Variants in ZAN observed in about 807,000 individuals in gnomAD.
ZAN encodes the protein zonadhesin.
Under a neutral mutation model 286.2 loss-of-function variants are expected in ZAN, and 260 were observed. The ratio of observed to expected loss-of-function variants is 0.91; its 90% CI spans 0.82 to 1.01. The LOEUF is 1.01. Among genes scored for constraint, ZAN ranks in the 50% least tolerant of loss-of-function variants. The pLI is 0.00. For synonymous variants in ZAN, 1,368 were observed against 1,417.5 expected (o/e 0.97, Z 0.79); for missense variants, 3,410 against 3,639.2 (o/e 0.94, Z 1.62).
intron 34 of ZAN, 146 bp from the exon 35 acceptor site, chr7:100,779,300 G>A (rs914093470): frequency 1.2e-6 from 1 of 807,890 alleles, no homozygotes; most frequent in Non-Finnish European, 1.9e-6. Context: ...TTGAACATGG[G>A]AGGGAAGGCA....
intron 28 of ZAN, among the ~76,000 whole-genome samples, chr7:100,771,165 C>G (rs908049485): frequency 1.3e-5 from 2 of 152,104 alleles, no homozygotes; most frequent in East Asian, 3.9e-4. Flanking sequence ...GTCTTGAACT[C>G]CTGGGCTCAA....
chr7:100,779,719 G>C lies in ZAN; in HGVS notation c.6591G>C (p.Lys2197Asn), dbSNP rs774512421. ...FGATCQSQGL[K>N]PPLWRNSSFC... Reference sequence around the variant, plus strand: ...CCACCTGCCAGAGCCAGGGGCTCAAGCCCCCACTCTGGAGAAACAGCAGCT... The same window carrying C: ...CCACCTGCCAGAGCCAGGGGCTCAACCCCCCACTCTGGAGAAACAGCAGCT... The change falls in exon 35 of 48, where the codon AAG becomes AAC. Residue 2197 changes from lysine (K) to asparagine (N), a missense_variant. Around this residue, in one of 7 missense-constraint regions of ZAN, gnomAD observed 1,289 missense variants for 1,314.3 expected, o/e 0.98. Coordinates refer to ENST00000613979, the MANE Select transcript of ZAN (RefSeq NM_003386.3). The C allele has an allele frequency of 9.8e-5, 153 of 1,556,222 alleles. No homozygotes were observed. The Middle Eastern group carries it at 1.8e-3, about 19-fold the overall frequency.
At chr7:100,744,718 C>G (rs1205249547) in intron 7 of ZAN, among the ~76,000 whole-genome samples, 1 of 151,544 alleles carries the variant, frequency 6.6e-6, no homozygotes, top group Non-Finnish European at 1.5e-5. Context: ...CACCGTGTAC[C>G]GCGCCCAGCA....
In ZAN at chr7:100,758,263, G is replaced by C; in HGVS notation, c.3371G>C (p.Arg1124Pro). The change falls in exon 16 of 48, where the codon CGG becomes CCG. Residue 1124 changes from arginine (R) to proline (P), a missense_variant. Arg to Pro is a moderately radical substitution (Grantham distance 103, BLOSUM62 -2). Around this residue, in one of 7 missense-constraint regions of ZAN, gnomAD observed 1,042 missense variants for 1,058.0 expected, o/e 0.98. Transcript: ENST00000613979. ...TEHCRCWPGS[R>P]VECQISQCGT... ...CATTGCCGCTGCTGGCCCGGCAGTCGGGTCGAGTGCCAGATCTCTCAGTGT... is the reference window on the plus strand; with the variant it reads ...CATTGCCGCTGCTGGCCCGGCAGTCCGGTCGAGTGCCAGATCTCTCAGTGT... The C allele has an allele frequency of 1.2e-6, 2 of 1,613,380 alleles. No individual in the cohort carries two copies. Among genetic ancestry groups the C allele is most frequent in the Non-Finnish European group, 1.7e-6 (2 of 1,179,870 alleles).
intron 11 of ZAN, among the ~76,000 whole-genome samples, 191 bp downstream of exon 11, chr7:100,748,661 G>A (rs1367409144): frequency 6.6e-6 from 1 of 152,084 alleles, no homozygotes; most frequent in African/African-American, 2.4e-5. Context: ...CTCAGGGCTG[G>A]GGGGTCACTG....
intron 27 of ZAN, 133 bp downstream of exon 27, chr7:100,768,854 A>G (rs1810193640): frequency 1.4e-6 from 1 of 714,194 alleles, no homozygotes; most frequent in Non-Finnish European, 2.2e-6. Flanking sequence ...GAAACTGGCA[A>G]TCTCTCCTGT....
intron 36 of ZAN, among the ~76,000 whole-genome samples, chr7:100,785,593 G>A (rs1811508294): frequency 6.6e-6 from 1 of 151,890 alleles, no homozygotes; most frequent in African/African-American, 2.4e-5. Context: ...CATCAATTAA[G>A]CCATTTAGAT....
intron 13 of ZAN, 78 bp from the exon 14 acceptor site, chr7:100,751,634 C>A (rs889184766): frequency 1.4e-6 from 2 of 1,462,744 alleles, no homozygotes; most frequent in African/African-American, 1.4e-5. Context: ...CATGGGAGCC[C>A]ACTCCAGTTA....
chr7:100,786,007 G>C lies in ZAN; in HGVS notation c.6845G>C (p.Ser2282Thr). 1.2e-6 allele frequency: 2 copies of C among 1,613,742 alleles called. No individual in the cohort carries two copies. The highest frequency in any genetic ancestry group is 1.7e-6 in the Non-Finnish European group (2 of 1,179,848). The change falls in exon 37 of 48, where the codon AGC becomes ACC. Residue 2282 changes from serine (S) to threonine (T), a missense_variant. By Grantham distance (58) the Ser-to-Thr change is moderately conservative (BLOSUM62 1). This residue lies in a region of ZAN where 1,289 missense variants were observed against 1,314.3 expected (regional missense o/e 0.98). Transcript: ENST00000613979. Reference sequence around the variant, plus strand: ...CTGTAACTTCTACAGCTGGGCAAGAGCTGGGTCTCCAGCGGTTGCACGGAG... The same window carrying C: ...CTGTAACTTCTACAGCTGGGCAAGACCTGGGTCTCCAGCGGTTGCACGGAG... ...AHGGSIPLGK[S>T]WVSSGCTEKC...
chr7:100,736,013 T>C (rs1380082763), intron 3 of ZAN, among the ~76,000 whole-genome samples: 1 of 141,248 alleles, frequency 7.1e-6, no homozygotes. Flanking sequence ...TAAAAGATTC[T>C]CTCTTTCAAA....
rs774941125 is a variant in ZAN, at chr7:100,758,210, A to AGAGT, written c.3320_3323dup (p.Trp1108Ter). On this transcript the variant is annotated frameshift_variant, in exon 16 of 48. Transcript: ENST00000613979. LOFTEE classifies it high-confidence loss of function. ...ACATCCCTTTCTCCCAGCCTGGGGC[A>AGAGT]GAGTGGTTCAGCCCCAACTGCACAG... 5 of 1,612,562 alleles carry AGAGT rather than the reference A, an allele frequency of 3.1e-6. No homozygotes were observed. The highest frequency in any genetic ancestry group is 2.5e-6 in the Non-Finnish European group (3 of 1,179,470).
chr7:100,794,715 G>A (rs948928203), intron 44 of ZAN, among the ~76,000 whole-genome samples: 2 of 152,044 alleles, frequency 1.3e-5, no homozygotes, highest in Admixed American at 1.3e-4. Flanking sequence ...GTGCACTCCT[G>A]TAGTCTCAGC....
At chr7:100,750,371 G>A (rs761903993) in intron 11 of ZAN, among the ~76,000 whole-genome samples, 7 of 152,050 alleles carry the variant, frequency 4.6e-5, no homozygotes, top group Non-Finnish European at 5.9e-5. Flanking sequence ...TCTTGACCTC[G>A]TGATCCGCCA....
At position 100,762,816 on chromosome 7, in the gene ZAN, T is replaced by C. The variant is rs545298160; in HGVS notation, c.3986+458T>C. Among the ~76,000 whole-genome samples, 145 of 151,504 alleles carry C rather than the reference T, an allele frequency of 9.6e-4. 2 individuals are homozygous for C. The highest frequency in any genetic ancestry group is 1.2e-3 in the Non-Finnish European group (82 of 67,896). On this transcript the variant is annotated intron_variant, in intron 20 of 47. Coordinates refer to ENST00000613979, the MANE Select transcript of ZAN (RefSeq NM_003386.3). ...GTGCAATGGCACGATCGTGGCTTAC[T>C]GCAGCCTCAAACTCCTGAGCTCAAG...
chr7:100,784,811 G>A lies in ZAN; in HGVS notation c.6811G>A (p.Asp2271Asn). ...CCCCAGAAGTCAGTGTGGCTGCAAG[G>A]ATGCCCATGGTGGCTCCATCCCTGT... ...CVPRSQCGCK[D>N]AHGGSIPLGK... Residue 2271 changes from aspartate to asparagine, a missense_variant, in exon 36 of 48, where the codon GAT becomes AAT. Around this residue, in one of 7 missense-constraint regions of ZAN, gnomAD observed 1,289 missense variants for 1,314.3 expected, o/e 0.98. Coordinates refer to ENST00000613979, the MANE Select transcript of ZAN (RefSeq NM_003386.3). 1 of 1,605,040 alleles carries A rather than the reference G, an allele frequency of 6.2e-7. No individual in the cohort carries two copies. Among genetic ancestry groups the A allele is most frequent in the Non-Finnish European group, 8.5e-7 (1 of 1,173,998 alleles).
At chr7:100,784,985 C>T (rs1238465306) in intron 36 of ZAN, among the ~76,000 whole-genome samples, 151 bp downstream of exon 36, 1 of 152,096 alleles carries the variant, frequency 6.6e-6, no homozygotes, top group African/African-American at 2.4e-5. Context: ...GATCTCCAGC[C>T]AGGTCTGGGC....
At chr7:100,737,173 C>A in intron 5 of ZAN, 89 bp from the exon 6 acceptor site, 1 of 1,422,762 alleles carries the variant, frequency 7.0e-7, no homozygotes, top group Non-Finnish European at 9.6e-7. Flanking sequence ...ATTGTGGGGG[C>A]CAAGCCATCT....
In ZAN at chr7:100,796,022, G is replaced by A. The variant is rs146494771; in HGVS notation, c.8266+686G>A. On this transcript the variant is annotated intron_variant, in intron 45 of 47. Coordinates refer to ENST00000613979, the MANE Select transcript of ZAN (RefSeq NM_003386.3). The stretch of plus-strand genomic sequence containing the variant: ...TTGAACCCGGGAGGCAGAGGTTGCA[G>A]TGAGCTAAGATCACGCTACTGCGCT... Among the ~76,000 whole-genome samples the A allele has an allele frequency of 2.7e-4, 41 of 152,258 alleles. No individual in the cohort carries two copies. The East Asian group carries it at 7.9e-3, about 29-fold the overall frequency.
chr7:100,779,003 A>G (rs961593112), intron 34 of ZAN, among the ~76,000 whole-genome samples: 1 of 152,182 alleles, frequency 6.6e-6, no homozygotes, highest in Non-Finnish European at 1.5e-5. Context: ...ACTGAACTCC[A>G]GCCTGGGCGA....
Sources: gnomAD v4.1 joint callset for allele counts (sites outside exome capture counted in the v4.1 genomes callset) on GRCh38, gnomAD v4.1.1 for gene constraint, gnomAD v4.1.1 regional missense constraint, MANE v1.5 for transcripts, NCBI Gene and HGNC (gene_info 2026-07-23, HGNC 2026-07-21) for gene names.